Variants in SEC23A observed in about 807,000 individuals in gnomAD.
SEC23A encodes protein transport protein Sec23A.
A neutral mutation model predicts 103.7 loss-of-function variants in SEC23A; 56 were observed. The ratio of observed to expected loss-of-function variants is 0.54; its 90% CI spans 0.44 to 0.67. The LOEUF (loss-of-function observed/expected upper bound fraction) is 0.67. Among genes scored for constraint, SEC23A ranks in the 30% least tolerant of loss-of-function variants. The pLI is 0.00. For missense variants in SEC23A, 784 were observed against 936.4 expected, an observed-to-expected ratio of 0.84 and a Z score of 2.12; for synonymous variants, 281 against 293.0, an observed-to-expected ratio of 0.96 and a Z score of 0.42.
intron 5 of SEC23A, 155 bp downstream of exon 5, chr14:39,091,322 A>C (rs1332281900): frequency 3.2e-6 from 2 of 632,110 alleles, no homozygotes; most frequent in Non-Finnish European, 5.5e-6. Context: ...CATGAAAAGA[A>C]AACTGAAGCC....
At position 39,094,916 on chromosome 14, in the gene SEC23A, A is replaced by G. The variant is rs1226199098; in HGVS notation, c.221+982T>C. Reference sequence around the variant, plus strand: ...CAAGGCTTTATAGATCTTGATAAGGAGTTTGTATTTCTCATTCCAAGAATA... The same window carrying G: ...CAAGGCTTTATAGATCTTGATAAGGGGTTTGTATTTCTCATTCCAAGAATA... On this transcript the variant is annotated intron_variant, in intron 2 of 19. Transcript: ENST00000307712. 7.4e-6 allele frequency: 5 copies of G among 673,778 alleles called. No individual in the cohort carries two copies. The East Asian group carries it at 1.3e-4, about 18-fold the overall frequency. 41.7% of individuals were successfully genotyped at this position (673,778 alleles called of 1,614,324 possible). A position where few individuals can be genotyped will look rare whatever the true frequency, so the allele number is the denominator to read the frequency against.
intron 13 of SEC23A, among the ~76,000 whole-genome samples, chr14:39,057,705 C>T (rs766722346): frequency 2.6e-5 from 4 of 152,152 alleles, no homozygotes; most frequent in Admixed American, 1.3e-4. Flanking sequence ...ATAGGATATA[C>T]GTGTGCCCAC....
chr14:39,070,822 T>G (rs1464922283), intron 9 of SEC23A, among the ~76,000 whole-genome samples: 1 of 151,442 alleles, frequency 6.6e-6, no homozygotes, highest in Non-Finnish European at 1.5e-5. Flanking sequence ...AGGTCAGGAG[T>G]CCGAGACTAG....
chr14:39,088,775 C>CAG (rs1332757575), intron 5 of SEC23A: 7 of 152,140 alleles, frequency 4.6e-5, no homozygotes, highest in African/African-American at 1.7e-4. Flanking sequence ...TGGCTCACAC[C>CAG]TGTAATCCCA....
intron 14 of SEC23A, among the ~76,000 whole-genome samples, chr14:39,050,514 G>A (rs544874018): frequency 6.6e-6 from 1 of 152,334 alleles, no homozygotes; most frequent in South Asian, 2.1e-4. Context: ...AAGATTTCCT[G>A]AGTCAAGTCT....
At chr14:39,094,732 C>T (rs541273993) in intron 2 of SEC23A, among the ~76,000 whole-genome samples, 120 of 152,060 alleles carry the variant, frequency 7.9e-4, no homozygotes, top group African/African-American at 2.7e-3. Flanking sequence ...AGAATCCGGG[C>T]AGAATGCACA....
At chr14:39,039,002 A>G (rs1885547164) in intron 19 of SEC23A, 29 bp downstream of exon 19, 1 of 1,553,322 alleles carries the variant, frequency 6.4e-7, no homozygotes, top group African/African-American at 1.4e-5. Context: ...ACAAAGAAAT[A>G]ATTTCCAAGA....
chr14:39,084,658 A>G (rs1287167844), intron 7 of SEC23A, among the ~76,000 whole-genome samples: 1 of 151,914 alleles, frequency 6.6e-6, no homozygotes, highest in Non-Finnish European at 1.5e-5. Context: ...GAATGATAAG[A>G]GTACCTTTTG....
At chr14:39,073,703 G>A (rs1027015863) in intron 9 of SEC23A, among the ~76,000 whole-genome samples, 3 of 134,136 alleles carry the variant, frequency 2.2e-5, no homozygotes, top group Middle Eastern at 5.8e-3. Context: ...TCTGCCACCC[G>A]GGTTCAAGCA....
chr14:39,094,202 A>G (rs1392132990), intron 2 of SEC23A, among the ~76,000 whole-genome samples: 1 of 137,030 alleles, frequency 7.3e-6, no homozygotes, highest in Non-Finnish European at 1.6e-5. Context: ...ATATACATAT[A>G]TATATATGCA....
intron 5 of SEC23A, among the ~76,000 whole-genome samples, chr14:39,089,816 C>CTCAG (rs1887595246): frequency 6.6e-6 from 1 of 152,114 alleles, no homozygotes; most frequent in Non-Finnish European, 1.5e-5. Context: ...ATTAGCTGGG[C>CTCAG]ATGATGGCGG....
chr14:39,056,311 T>C lies in SEC23A; in HGVS notation c.1506-1015A>G, dbSNP rs114034393. 4.7e-3 allele frequency among the ~76,000 whole-genome samples: 720 copies of C among 152,236 alleles called. 1 individual carries two copies. The highest frequency in any genetic ancestry group is 0.016 in the African/African-American group (664 of 41,544). On this transcript the variant is annotated intron_variant, in intron 13 of 19. Coordinates refer to ENST00000307712, the MANE Select transcript of SEC23A (RefSeq NM_006364.4). ...CTCCAGTCTCCTGATTCCCACAACA[T>C]TAGTAGAGAGGGGGTTTCACCATGT...
chr14:39,098,449 C>T (rs1239478147), intron 1 of SEC23A, among the ~76,000 whole-genome samples: 3 of 152,016 alleles, frequency 2.0e-5, no homozygotes, highest in East Asian at 1.9e-4. Context: ...AGCATGTACA[C>T]GCCTACTATG....
chr14:39,060,858 C>T (rs574782952), intron 13 of SEC23A, among the ~76,000 whole-genome samples: 1 of 152,198 alleles, frequency 6.6e-6, no homozygotes, highest in East Asian at 1.9e-4. Flanking sequence ...TTATTATTCC[C>T]TTCTGGGGAC....
chr14:39,053,244 A>G (rs187941846), intron 14 of SEC23A, among the ~76,000 whole-genome samples: 1 of 152,368 alleles, frequency 6.6e-6, no homozygotes, highest in East Asian at 1.9e-4. Flanking sequence ...ACATCTGTGT[A>G]TAATAAGCTG....
chr14:39,094,962 GTTCATCATCTGATT>G (rs769941808), intron 2 of SEC23A: 56 of 697,304 alleles, frequency 8.0e-5, no homozygotes, highest in Non-Finnish European at 1.3e-4. Flanking sequence ...ACTGGAAGAT[GTTCATCATCTGATT>G]TTCATTCATA....
chr14:39,069,551 C>T (rs1007347896), intron 9 of SEC23A, among the ~76,000 whole-genome samples: 1 of 152,094 alleles, frequency 6.6e-6, no homozygotes, highest in African/African-American at 2.4e-5. Flanking sequence ...CCTCGACTTC[C>T]CAAGCTCCAG....
At chr14:39,045,692 C>G (rs914535517) in intron 15 of SEC23A, among the ~76,000 whole-genome samples, 1 of 152,018 alleles carries the variant, frequency 6.6e-6, no homozygotes, top group Non-Finnish European at 1.5e-5. Context: ...AGGAAAAAAA[C>G]AAAAAGACAA....
Position 39,040,861 on chromosome 14 carries a change from T to C in SEC23A, c.2013A>G (p.Gly671=), listed in dbSNP as rs1885614010. 3 of 1,614,068 alleles carry C rather than the reference T, an allele frequency of 1.9e-6. No individual in the cohort carries two copies. The highest frequency in any genetic ancestry group is 2.5e-6 in the Non-Finnish European group (3 of 1,180,042). ...TTTCATACTCAGGCATATCCTGGTATCCTGACTTCCGCCACTGTGCTATGG... is the reference window on the plus strand; with the variant it reads ...TTTCATACTCAGGCATATCCTGGTACCCTGACTTCCGCCACTGTGCTATGG... The part of the protein sequence containing the change: ...GETIAQWRKS[G]YQDMPEYENF... The change falls in exon 18 of 20, where the codon GGA becomes GGG. Residue 671 remains glycine (G), a synonymous_variant. Coordinates refer to ENST00000307712, the MANE Select transcript of SEC23A (RefSeq NM_006364.4).
Sources: allele counts gnomAD v4.1 joint callset (sites outside exome capture counted in the v4.1 genomes callset), GRCh38; gene constraint gnomAD v4.1.1; transcripts MANE v1.5; gene names NCBI Gene and HGNC (gene_info 2026-07-23, HGNC 2026-07-21).